The following TJP1 variants were observed in gnomAD, a reference collection of about 807,000 sequenced individuals.
The protein encoded by TJP1 is tight junction protein ZO-1.
A neutral mutation model predicts 194.2 loss-of-function variants in TJP1; 43 were observed. That is an observed-to-expected ratio of 0.22 (90% CI 0.17 to 0.29). The LOEUF (loss-of-function observed/expected upper bound fraction) is 0.29, where lower values mean the gene tolerates loss of function less well. TJP1 is among the 10% of genes least tolerant of loss of function. The pLI is 1.00. For synonymous variants in TJP1, 801 were observed against 779.0 expected (o/e 1.03, Z -0.47); for missense variants, 1,971 against 2,185.7 (o/e 0.90, Z 1.96).
intron 18 of TJP1, among the ~76,000 whole-genome samples, chr15:29,723,412 TCCAA>T (rs1005227929): frequency 9.2e-5 from 14 of 152,192 alleles, no homozygotes; most frequent in African/African-American, 3.4e-4. Context: ...TTCCTCCTGC[TCCAA>T]CCATGTAAGA....
intron 1 of TJP1, among the ~76,000 whole-genome samples, chr15:29,818,494 A>T (rs1325815728): frequency 6.6e-6 from 1 of 152,150 alleles, no homozygotes; most frequent in Non-Finnish European, 1.5e-5. Context: ...CACATATAAA[A>T]AACGTTTTTT....
chr15:29,757,106 G>A (rs1052707154), intron 8 of TJP1, among the ~76,000 whole-genome samples: 2 of 152,180 alleles, frequency 1.3e-5, no homozygotes, highest in Non-Finnish European at 2.9e-5. Flanking sequence ...TCAAGGTTAT[G>A]CAAGTAACCA....
rs2046806605 is a variant in TJP1, at chr15:29,773,241, T to C, written c.201A>G (p.Gly67=). The C allele has an allele frequency of 6.2e-7, 1 of 1,613,846 alleles. No individual in the cohort carries two copies. Among genetic ancestry groups the C allele is most frequent in the African/African-American group, 1.3e-5 (1 of 74,924 alleles). Reference sequence around the variant, plus strand: ...ATAAGCAGCACTCTTACTGTAGCTGTCCTTCAGCTGGTCCTCCTTTCAGCA... The same window carrying C: ...ATAAGCAGCACTCTTACTGTAGCTGCCCTTCAGCTGGTCCTCCTTTCAGCA... ...SDVLKGGPAE[G]QLQENDRVAM... The change falls in exon 3 of 28, where the codon GGA becomes GGG. Residue 67 remains glycine (G), a synonymous_variant. Coordinates refer to ENST00000614355, the MANE Select transcript of TJP1 (RefSeq NM_001330239.4).
chr15:29,763,479 A>AT (rs987977221), intron 5 of TJP1, among the ~76,000 whole-genome samples: 10 of 152,190 alleles, frequency 6.6e-5, no homozygotes, highest in Admixed American at 6.5e-4. Context: ...TAAAAATTAC[A>AT]TAAGAGTAGG....
intron 1 of TJP1, among the ~76,000 whole-genome samples, chr15:29,807,497 G>A (rs890069096): frequency 6.6e-6 from 1 of 152,178 alleles, no homozygotes; most frequent in Non-Finnish European, 1.5e-5. Flanking sequence ...AGGTAGACAG[G>A]AGGAGGAAGG....
intron 2 of TJP1, among the ~76,000 whole-genome samples, chr15:29,843,282 G>A (rs1215198862): frequency 2.0e-5 from 3 of 151,532 alleles, no homozygotes; most frequent in African/African-American, 4.9e-5. Flanking sequence ...TCCGCCTCCC[G>A]GGTTCAAGCG....
At chr15:29,740,416 A>G (rs1193195723) in intron 10 of TJP1, among the ~76,000 whole-genome samples, 2 of 152,100 alleles carry the variant, frequency 1.3e-5, no homozygotes, top group African/African-American at 4.8e-5. Context: ...GCTTGAGCCC[A>G]GGACTTTTAG....
chr15:29,824,351 G>A (rs186567649), upstream of TJP1, among the ~76,000 whole-genome samples: 122 of 150,234 alleles, frequency 8.1e-4, 1 homozygote, highest in South Asian at 2.1e-3. Context: ...GCTGAGGCAG[G>A]AGAATCGCTT....
At chr15:29,927,974 G>C (rs1001983299) in intron 2 of TJP1, among the ~76,000 whole-genome samples, 3 of 152,040 alleles carry the variant, frequency 2.0e-5, no homozygotes, top group Non-Finnish European at 4.4e-5. Context: ...CTGCTGCCAA[G>C]TGCCCACCAG....
At position 29,733,285 on chromosome 15, in the gene TJP1, T is replaced by C. The variant is rs763824555; in HGVS notation, c.1545A>G (p.Val515=). Residue 515 remains valine (V), a synonymous_variant, in exon 13 of 28, where the codon GTA becomes GTG. Coordinates refer to ENST00000614355, the MANE Select transcript of TJP1 (RefSeq NM_001330239.4). ...GGGTTCTAATATAGAAAGAATCTCC[T>C]ACATCTGATTCTACAATGCGACGAT... ...DVYRRIVESD[V]GDSFYIRTHF... 8 of 1,612,902 alleles carry C rather than the reference T, an allele frequency of 5.0e-6. No homozygotes were observed. Among genetic ancestry groups the C allele is most frequent in the Middle Eastern group, 3.3e-4 (2 of 6,084 alleles).
intron 3 of TJP1, among the ~76,000 whole-genome samples, chr15:29,772,905 C>T (rs1234579012): frequency 1.3e-5 from 2 of 152,120 alleles, no homozygotes; most frequent in Non-Finnish European, 2.9e-5. Context: ...GCTGGGACTG[C>T]AGGCACAAGC....
rs984523017 is a variant in TJP1, at chr15:29,742,548, T to G, written c.1150+94A>C. ...CAGACAAATTCACACATGAGAAGAA[T>G]AATAATTGCATCTTTAAAATCTTCT... On this transcript the variant is annotated intron_variant, in intron 9 of 27. Transcript: ENST00000614355. 3.2e-5 allele frequency: 44 copies of G among 1,358,348 alleles called. 2 individuals are homozygous for G. The highest frequency in any genetic ancestry group is 1.1e-4 in the Admixed American group (4 of 35,918). 84.1% of individuals were successfully genotyped at this position (1,358,348 alleles called of 1,614,324 possible).
At chr15:29,968,619 C>T in intron 1 of TJP1, 1 of 981,122 alleles carries the variant, frequency 1.0e-6, no homozygotes, top group African/African-American at 1.8e-5. Flanking sequence ...CCCCGCCCCG[C>T]TCCGCGCCTA....
chr15:29,791,088 G>A (rs563701088), intron 2 of TJP1, among the ~76,000 whole-genome samples: 3 of 150,988 alleles, frequency 2.0e-5, no homozygotes, highest in East Asian at 1.9e-4. Context: ...GTGCAATGGC[G>A]CGATTTCGGC....
chr15:29,751,097 T>G (rs1195658475), intron 8 of TJP1, among the ~76,000 whole-genome samples: 1 of 152,152 alleles, frequency 6.6e-6, no homozygotes, highest in Non-Finnish European at 1.5e-5. Flanking sequence ...CACATTGAAG[T>G]TCCCCCTTCA....
At chr15:29,834,091 C>T (rs1487573788) in intron 2 of TJP1, among the ~76,000 whole-genome samples, 1 of 149,744 alleles carries the variant, frequency 6.7e-6, no homozygotes, top group Non-Finnish European at 1.5e-5. Context: ...CCATGTTAGC[C>T]ACGATGGTCT....
intron 2 of TJP1, among the ~76,000 whole-genome samples, chr15:29,843,007 T>C (rs900596958): frequency 4.6e-5 from 7 of 152,138 alleles, no homozygotes; most frequent in African/African-American, 1.4e-4. Flanking sequence ...GTCATTGCTA[T>C]AAAGATTAAA....
chr15:29,775,919 C>G (rs2046988456), intron 2 of TJP1, among the ~76,000 whole-genome samples: 1 of 152,068 alleles, frequency 6.6e-6, no homozygotes, highest in Admixed American at 6.6e-5. Context: ...CACAAAAAGG[C>G]ACCAGGCGCA....
intron 8 of TJP1, among the ~76,000 whole-genome samples, chr15:29,750,785 C>A (rs553270087): frequency 5.9e-5 from 9 of 152,194 alleles, no homozygotes; most frequent in Admixed American, 2.0e-4. Flanking sequence ...CGGATTTATA[C>A]ATACTTTTCA....
Sources: gnomAD v4.1 joint callset for allele counts (sites outside exome capture counted in the v4.1 genomes callset) on GRCh38, gnomAD v4.1.1 for gene constraint, MANE v1.5 for transcripts, NCBI Gene and HGNC (gene_info 2026-07-23, HGNC 2026-07-21) for gene names.